AGBL4: variants seen among roughly 807,000 people sequenced by gnomAD.
The protein encoded by AGBL4 is cytosolic carboxypeptidase 6.
Under a neutral mutation model 66.4 loss-of-function variants are expected in AGBL4, and 58 were observed. That is an observed-to-expected ratio of 0.87 (90% CI 0.71 to 1.09). The LOEUF (loss-of-function observed/expected upper bound fraction) is 1.09. Among genes scored for constraint, AGBL4 ranks in the 50% least tolerant of loss-of-function variants. The pLI, the probability that AGBL4 is intolerant of heterozygous loss-of-function variation, is 0.00. For synonymous variants in AGBL4, 234 were observed against 222.9 expected (o/e 1.05, Z -0.44); for missense variants, 579 against 631.0 (o/e 0.92, Z 0.88).
At position 49,665,677 on chromosome 1, in the gene AGBL4, T is replaced by G. The variant is rs145180689; in HGVS notation, c.282+31636A>C. 4.9e-3 allele frequency among the ~76,000 whole-genome samples: 742 copies of G among 152,240 alleles called. 2 individuals carry two copies. The highest frequency in any genetic ancestry group is 8.1e-3 in the Non-Finnish European group (552 of 68,008). On this transcript the variant is annotated intron_variant, in intron 3 of 13. Transcript: ENST00000371839. ...CTCAATTAACCATCAAACCATGAAT[T>G]TTGTTTGTATCTCTCATTTTTGTTA...
chr1:48,703,281 G>A (rs948697088), intron 6 of AGBL4, among the ~76,000 whole-genome samples: 1 of 152,072 alleles, frequency 6.6e-6, no homozygotes, highest in African/African-American at 2.4e-5. Flanking sequence ...AGACAATACG[G>A]CAAGTCGGGA....
At chr1:48,778,170 TCCATCCATCCAA>T (rs1557986631) in intron 6 of AGBL4, among the ~76,000 whole-genome samples, 2 of 151,940 alleles carry the variant, frequency 1.3e-5, no homozygotes, top group South Asian at 2.1e-4. Context: ...CATCCATCCA[TCCATCCATCCAA>T]CCATCCATCC....
At chr1:49,546,895 T>C (rs1013695653) in intron 3 of AGBL4, among the ~76,000 whole-genome samples, 1 of 152,250 alleles carries the variant, frequency 6.6e-6, no homozygotes, top group Non-Finnish European at 1.5e-5. Context: ...TTGTAGATTC[T>C]GGGTATGAGT....
intron 4 of AGBL4, among the ~76,000 whole-genome samples, chr1:49,217,885 T>C (rs893142267): frequency 5.3e-5 from 8 of 152,154 alleles, no homozygotes; most frequent in African/African-American, 1.9e-4. Flanking sequence ...GGAAGAGATC[T>C]TAAAGGCCCT....
intron 4 of AGBL4, among the ~76,000 whole-genome samples, chr1:49,215,842 C>A (rs554132140): frequency 6.6e-6 from 1 of 152,148 alleles, no homozygotes; most frequent in South Asian, 2.1e-4. Flanking sequence ...CCAATTTTTT[C>A]CTCCTCCCAT....
At chr1:49,516,619 G>A (rs1468871920) in intron 3 of AGBL4, among the ~76,000 whole-genome samples, 1 of 151,996 alleles carries the variant, frequency 6.6e-6, no homozygotes, top group Non-Finnish European at 1.5e-5. Context: ...TATGAGGTGG[G>A]TAATGGGTTG....
chr1:49,950,310 C>T (rs1402383064), intron 1 of AGBL4, among the ~76,000 whole-genome samples: 31 of 150,824 alleles, frequency 2.1e-4, no homozygotes. Context: ...AATGAAAAAC[C>T]AAACATCACA....
chr1:48,817,708 C>G (rs562860450), intron 6 of AGBL4: 151 of 260,692 alleles, frequency 5.8e-4, no homozygotes, highest in Non-Finnish European at 8.7e-4. Context: ...TTGCTGCCCC[C>G]ACCTGTCTGG....
chr1:49,284,049 C>G (rs944570442), intron 3 of AGBL4, among the ~76,000 whole-genome samples: 8 of 150,152 alleles, frequency 5.3e-5, no homozygotes, highest in African/African-American at 7.3e-5. Flanking sequence ...AGAAGAGCAA[C>G]TCCAAGACAC....
At chr1:49,555,350 G>C (rs1051270400) in intron 3 of AGBL4, among the ~76,000 whole-genome samples, 2 of 144,030 alleles carry the variant, frequency 1.4e-5, no homozygotes, top group African/African-American at 2.6e-5. Flanking sequence ...GCTAGACACA[G>C]AGTGCTGATT....
intron 2 of AGBL4, among the ~76,000 whole-genome samples, chr1:49,753,260 G>C (rs531405362): frequency 6.6e-6 from 1 of 152,156 alleles, no homozygotes; most frequent in Non-Finnish European, 1.5e-5. Context: ...CACGGGCAAG[G>C]CTGATGGTGA....
At chr1:48,686,043 C>T (rs2148485764) in intron 6 of AGBL4, among the ~76,000 whole-genome samples, 1 of 152,288 alleles carries the variant, frequency 6.6e-6, no homozygotes, top group East Asian at 1.9e-4. Flanking sequence ...GTAACTGTTT[C>T]ATTGAATCCC....
At chr1:50,010,819 A>G (rs1321449784) in intron 1 of AGBL4, among the ~76,000 whole-genome samples, 2 of 152,250 alleles carry the variant, frequency 1.3e-5, no homozygotes, top group African/African-American at 4.8e-5. Flanking sequence ...CAATCAAATC[A>G]AAATAGATTC....
chr1:49,684,022 A>C (rs1278479366), intron 3 of AGBL4, among the ~76,000 whole-genome samples: 1 of 152,200 alleles, frequency 6.6e-6, no homozygotes, highest in East Asian at 1.9e-4. Flanking sequence ...GGTGAGCACA[A>C]GAGTAGGTCA....
chr1:49,742,004 C>T (rs940088005), intron 2 of AGBL4, among the ~76,000 whole-genome samples: 4 of 152,134 alleles, frequency 2.6e-5, no homozygotes, highest in African/African-American at 9.7e-5. Context: ...ACAGGGATGC[C>T]CTCTCTCGCC....
At chr1:49,068,904 C>G (rs1571368195) in intron 4 of AGBL4, among the ~76,000 whole-genome samples, 1 of 152,166 alleles carries the variant, frequency 6.6e-6, no homozygotes, top group Non-Finnish European at 1.5e-5. Flanking sequence ...TGTTTCCTGA[C>G]TTTTCAATAA....
intron 5 of AGBL4, among the ~76,000 whole-genome samples, chr1:48,971,232 C>T (rs564338653): frequency 1.3e-5 from 2 of 152,192 alleles, no homozygotes; most frequent in South Asian, 2.1e-4. Flanking sequence ...GTCAGATCAG[C>T]GGCAGCATTA....
At chr1:49,813,264 T>C (rs1346688876) in intron 2 of AGBL4, among the ~76,000 whole-genome samples, 1 of 152,008 alleles carries the variant, frequency 6.6e-6, no homozygotes, top group Non-Finnish European at 1.5e-5. Context: ...AAAAACAATA[T>C]GATGATATTA....
chr1:49,511,634 A>C (rs1266340552), intron 3 of AGBL4, among the ~76,000 whole-genome samples: 1 of 151,528 alleles, frequency 6.6e-6, no homozygotes, highest in East Asian at 2.0e-4. Flanking sequence ...AAAAAAATTG[A>C]AGCTCCTTAG....
Sources: gnomAD v4.1 joint callset for allele counts (sites outside exome capture counted in the v4.1 genomes callset) on GRCh38, gnomAD v4.1.1 for gene constraint, MANE v1.5 for transcripts, NCBI Gene and HGNC (gene_info 2026-07-23, HGNC 2026-07-21) for gene names.